PLCG2: variants seen among roughly 807,000 people sequenced by gnomAD.
PLCG2 encodes the protein 1-phosphatidylinositol 4,5-bisphosphate phosphodiesterase gamma-2.
In PLCG2, 69 loss-of-function variants were observed where a neutral mutation model predicts 175.6. That is an observed-to-expected ratio of 0.39 (90% CI 0.32 to 0.48). The LOEUF (loss-of-function observed/expected upper bound fraction) is 0.48, where lower values mean the gene tolerates loss of function less well. Among genes scored for constraint, PLCG2 ranks in the 20% least tolerant of loss-of-function variants. The pLI is 0.91. For missense variants in PLCG2, 1,798 were observed against 1,650.9 expected (o/e 1.09, Z -1.54); for synonymous variants, 827 against 624.0 (o/e 1.33, Z -4.85).
intron 2 of PLCG2, among the ~76,000 whole-genome samples, chr16:81,807,879 C>T (rs561023174): frequency 6.6e-6 from 1 of 152,050 alleles, no homozygotes; most frequent in Non-Finnish European, 1.5e-5. Flanking sequence ...TTTTCAACAG[C>T]CAGATCTCTC....
At chr16:81,910,889 T>C (rs969957306) in intron 18 of PLCG2, among the ~76,000 whole-genome samples, 169 bp downstream of exon 18, 1 of 152,258 alleles carries the variant, frequency 6.6e-6, no homozygotes, top group Non-Finnish European at 1.5e-5. Flanking sequence ...CCTGGCACCA[T>C]GACCTGTGTC....
chr16:81,785,445 C>G (rs1012427245), intron 1 of PLCG2, among the ~76,000 whole-genome samples: 4 of 152,056 alleles, frequency 2.6e-5, no homozygotes, highest in Admixed American at 2.0e-4. Context: ...AACCATTTGC[C>G]AAAGTCTCCA....
At position 81,961,644 on chromosome 16, in the gene PLCG2, C is replaced by T. The variant is rs980584102; in HGVS notation, c.*3646C>T. On this transcript the variant is annotated 3_prime_UTR_variant, in exon 33 of 33. Coordinates refer to ENST00000564138, the MANE Select transcript of PLCG2 (RefSeq NM_002661.5). Reference sequence around the variant, plus strand: ...GGGCATTCCTTGCTACTAAAAATTGCCTTGTTCCAGGTAAGACTGATCATA... The same window carrying T: ...GGGCATTCCTTGCTACTAAAAATTGTCTTGTTCCAGGTAAGACTGATCATA... 5 of 214,726 alleles carry T rather than the reference C, an allele frequency of 2.3e-5. No individual in the cohort carries two copies. Among genetic ancestry groups the T allele is most frequent in the African/African-American group, 1.1e-4 (5 of 44,286 alleles). The allele number at this position is 214,726 out of a possible 1,614,324, so 13.3% of individuals were successfully genotyped here. A position where few individuals can be genotyped will look rare whatever the true frequency, so the allele number is the denominator to read the frequency against.
intron 24 of PLCG2, 37 bp downstream of exon 24, chr16:81,928,661 C>A (rs748052245): frequency 1.0e-5 from 15 of 1,437,494 alleles, no homozygotes; most frequent in Non-Finnish European, 1.5e-5. Context: ...GATTTCCACC[C>A]CTATCCCCCA....
At chr16:81,902,580 C>T (rs1909196334) in intron 14 of PLCG2, among the ~76,000 whole-genome samples, 2 of 152,086 alleles carry the variant, frequency 1.3e-5, no homozygotes, top group Non-Finnish European at 2.9e-5. Flanking sequence ...GAGCTCTACC[C>T]TCATTCCCAT....
intron 1 of PLCG2, among the ~76,000 whole-genome samples, chr16:81,749,313 TAAAC>T (rs1327258868): frequency 1.3e-5 from 2 of 152,216 alleles, no homozygotes; most frequent in Non-Finnish European, 2.9e-5. Flanking sequence ...TTATATGCCT[TAAAC>T]AAACTAAACT....
chr16:81,899,270 G>GTATATATA (rs369588165), intron 13 of PLCG2, among the ~76,000 whole-genome samples: 6 of 147,660 alleles, frequency 4.1e-5, no homozygotes, highest in African/African-American at 1.5e-4. Flanking sequence ...GAGTATGTGT[G>GTATATATA]TATATATATA....
Position 81,958,677 on chromosome 16 carries a change from A to G in PLCG2, c.*679A>G. The G allele has an allele frequency of 4.5e-6, 1 of 222,296 alleles. No individual in the cohort carries two copies. Among genetic ancestry groups the G allele is most frequent in the African/African-American group, 2.2e-5 (1 of 44,860 alleles). 13.8% of individuals were successfully genotyped at this position (222,296 alleles called of 1,614,324 possible). ...GAATCTTGGGGCCTCTTTGTTTTAA[A>G]AAGCCCATCAGAGAGACCAGAGCCG... On this transcript the variant is annotated 3_prime_UTR_variant, in exon 33 of 33. Coordinates refer to ENST00000564138, the MANE Select transcript of PLCG2 (RefSeq NM_002661.5).
At position 81,938,810 on chromosome 16, in the gene PLCG2, G is replaced by A; in HGVS notation, c.3208G>A (p.Ala1070Thr). 1 of 1,609,450 alleles carries A rather than the reference G, an allele frequency of 6.2e-7. No homozygotes were observed. The change falls in exon 29 of 33, where the codon GCT becomes ACT. Residue 1070 changes from alanine (A) to threonine (T), a missense_variant. Physicochemically the swap from Ala to Thr is moderately conservative, Grantham distance 58 (BLOSUM62 0). Transcript: ENST00000564138. ...LMTLTVKVLG[A>T]RHLPKLGRSI... ...CCCTTTGGTGTCCCAGGTTCTCGGT[G>A]CTCGCCATCTCCCCAAACTTGGACG... is the stretch of plus-strand genomic sequence containing the variant.
At chr16:81,843,691 A>G (rs181609140) in intron 2 of PLCG2, among the ~76,000 whole-genome samples, 39 of 152,348 alleles carry the variant, frequency 2.6e-4, no homozygotes, top group African/African-American at 9.1e-4. Context: ...ATATTCTTCT[A>G]TCCTCCAACT....
intron 2 of PLCG2, among the ~76,000 whole-genome samples, chr16:81,793,160 C>T (rs1285549092): frequency 2.0e-5 from 3 of 152,192 alleles, no homozygotes; most frequent in Non-Finnish European, 2.9e-5. Flanking sequence ...TCCAGGTTCC[C>T]TATTGCTTTC....
At chr16:81,918,955 T>C (rs961895913) in intron 19 of PLCG2, among the ~76,000 whole-genome samples, 2 of 152,104 alleles carry the variant, frequency 1.3e-5, no homozygotes, top group Non-Finnish European at 2.9e-5. Flanking sequence ...AGACAAGATT[T>C]AATAATTTTG....
intron 18 of PLCG2, among the ~76,000 whole-genome samples, chr16:81,911,106 A>G (rs1180562100): frequency 6.6e-6 from 1 of 152,140 alleles, no homozygotes; most frequent in Non-Finnish European, 1.5e-5. Flanking sequence ...TTTTTTATCT[A>G]GTGAAATGAG....
chr16:81,786,121 G>T lies in PLCG2; in HGVS notation c.132G>T (p.Gln44His). Residue 44 changes from glutamine to histidine, a missense_variant, in exon 2 of 33, where the codon CAG (glutamine) becomes CAT (histidine). Coordinates refer to ENST00000564138, the MANE Select transcript of PLCG2 (RefSeq NM_002661.5). ...RKSTPERRTVQVIMETRQVAW... is the reference protein window; with the variant it reads ...RKSTPERRTVHVIMETRQVAW... ...CCACCCCCGAGCGGAGAACCGTCCA[G>T]GTGATCATGGAGACGCGGCAGGTGG... is the stretch of plus-strand genomic sequence containing the variant. The T allele has an allele frequency of 2.5e-6, 4 of 1,614,212 alleles. No individual in the cohort carries two copies. Among genetic ancestry groups the T allele is most frequent in the Non-Finnish European group, 3.4e-6 (4 of 1,180,050 alleles).
chr16:81,925,674 G>C (rs1438466364), intron 22 of PLCG2, among the ~76,000 whole-genome samples: 1 of 152,182 alleles, frequency 6.6e-6, no homozygotes, highest in Non-Finnish European at 1.5e-5. Context: ...GCTCACTTGA[G>C]GTCAGGAGTT....
chr16:81,922,192 C>G (rs1910087923), intron 21 of PLCG2, among the ~76,000 whole-genome samples: 1 of 152,192 alleles, frequency 6.6e-6, no homozygotes, highest in Non-Finnish European at 1.5e-5. Context: ...AGCTGCAGAT[C>G]CCTGTGGCAG....
At chr16:81,760,010 C>CA (rs1321286566) in intron 2 of PLCG2, among the ~76,000 whole-genome samples, 6 of 152,176 alleles carry the variant, frequency 3.9e-5, no homozygotes, top group Non-Finnish European at 8.8e-5. Context: ...CCTGTAGTCC[C>CA]AGCTGCTGGG....
upstream of PLCG2, among the ~76,000 whole-genome samples, chr16:81,774,571 C>G (rs149607006): frequency 5.9e-5 from 9 of 152,136 alleles, no homozygotes; most frequent in East Asian, 9.7e-4. Context: ...GGAAAGGAAA[C>G]TAGACTCAAG....
intron 2 of PLCG2, among the ~76,000 whole-genome samples, chr16:81,799,627 C>G (rs146443035): frequency 1.5e-4 from 20 of 136,058 alleles, no homozygotes; most frequent in African/African-American, 5.2e-4. Context: ...GAGACAGAGT[C>G]TCGCTCTATT....
Sources: allele counts gnomAD v4.1 joint callset (sites outside exome capture counted in the v4.1 genomes callset), GRCh38; gene constraint gnomAD v4.1.1; transcripts MANE v1.5; gene names NCBI Gene and HGNC (gene_info 2026-07-23, HGNC 2026-07-21).